MAMDC2: variants seen among roughly 807,000 people sequenced by gnomAD.
MAMDC2 encodes MAM domain-containing protein 2.
In MAMDC2, 57 loss-of-function variants were observed where a neutral mutation model predicts 89.8. The ratio of observed to expected loss-of-function variants is 0.63; its 90% CI spans 0.51 to 0.79. The LOEUF is 0.79. MAMDC2 is among the 30% of genes least tolerant of loss of function. The pLI is 0.00. For missense variants in MAMDC2, 800 were observed against 820.6 expected, an observed-to-expected ratio of 0.97 and a Z score of 0.31; for synonymous variants, 313 against 293.4, an observed-to-expected ratio of 1.07 and a Z score of -0.68.
chr9:70,063,133 T>C (rs1363934877), intron 2 of MAMDC2: 1 of 152,220 alleles, frequency 6.6e-6, no homozygotes, highest in Non-Finnish European at 1.5e-5. Flanking sequence ...CAGGCACCTG[T>C]AGTCCCGGCT....
chr9:70,190,542 G>A (rs2032856340), intron 11 of MAMDC2, among the ~76,000 whole-genome samples: 1 of 143,492 alleles, frequency 7.0e-6, no homozygotes, highest in South Asian at 2.3e-4. Context: ...AGAGGTGACA[G>A]ATTAGGAGTT....
intron 5 of MAMDC2, among the ~76,000 whole-genome samples, chr9:70,121,160 A>C (rs1239476776): frequency 6.6e-6 from 1 of 152,234 alleles, no homozygotes; most frequent in African/African-American, 2.4e-5. Context: ...CTGCTTGAAA[A>C]TAAACATTCA....
intron 2 of MAMDC2, among the ~76,000 whole-genome samples, chr9:70,062,335 G>C (rs1827167396): frequency 6.6e-6 from 1 of 151,674 alleles, no homozygotes; most frequent in African/African-American, 2.4e-5. Context: ...CCTCTACCAG[G>C]GCAATAGGAG....
chr9:70,203,269 A>T (rs1205210774), intron 11 of MAMDC2, among the ~76,000 whole-genome samples: 1 of 152,052 alleles, frequency 6.6e-6, no homozygotes, highest in East Asian at 1.9e-4. Context: ...AAAATCGGTC[A>T]GCATTTGCTT....
intron 2 of MAMDC2, among the ~76,000 whole-genome samples, chr9:70,078,251 A>T (rs938218042): frequency 6.6e-6 from 1 of 151,994 alleles, no homozygotes; most frequent in Non-Finnish European, 1.5e-5. Flanking sequence ...CAATCTGATA[A>T]CTCCCTCTTA....
intron 7 of MAMDC2, among the ~76,000 whole-genome samples, chr9:70,139,856 T>C (rs1422149359): frequency 6.6e-6 from 1 of 152,198 alleles, no homozygotes; most frequent in Admixed American, 6.5e-5. Flanking sequence ...TTGATTTGCA[T>C]TTCCATGGGA....
intron 5 of MAMDC2, among the ~76,000 whole-genome samples, chr9:70,121,625 A>G (rs2030290498): frequency 6.6e-6 from 1 of 151,928 alleles, no homozygotes. Flanking sequence ...CCTGCAGGGT[A>G]TCCAGTGATT....
chr9:70,109,359 G>C (rs1828437480), intron 3 of MAMDC2: 1 of 204,622 alleles, frequency 4.9e-6, no homozygotes, highest in Non-Finnish European at 9.7e-6. Flanking sequence ...AACCACAGGA[G>C]AAAAAGTGAT....
chr9:70,110,490 T>A (rs1262113534), intron 4 of MAMDC2, among the ~76,000 whole-genome samples: 1 of 151,970 alleles, frequency 6.6e-6, no homozygotes, highest in African/African-American at 2.4e-5. Context: ...TTTAGTTAAG[T>A]GGAGGTGCAG....
chr9:70,048,551 G>A (rs1476355882), intron 2 of MAMDC2, among the ~76,000 whole-genome samples: 4 of 152,102 alleles, frequency 2.6e-5, no homozygotes, highest in Admixed American at 6.5e-5. Flanking sequence ...CACCCGCTTC[G>A]ACCTCCCAAA....
At chr9:70,175,617 T>C (rs535081214) in intron 11 of MAMDC2, 1 of 152,308 alleles carries the variant, frequency 6.6e-6, no homozygotes, top group South Asian at 2.1e-4. Flanking sequence ...TTCAGTAGTA[T>C]CAGCAGTTTC....
intron 12 of MAMDC2, among the ~76,000 whole-genome samples, chr9:70,220,317 G>C (rs374762517): frequency 7.2e-5 from 11 of 152,150 alleles, no homozygotes; most frequent in African/African-American, 2.4e-4. Context: ...CATCTGAAAT[G>C]GCATTTAGGG....
chr9:70,070,249 C>A (rs533901640), intron 2 of MAMDC2, among the ~76,000 whole-genome samples: 63 of 152,224 alleles, frequency 4.1e-4, no homozygotes, highest in Middle Eastern at 3.4e-3. Context: ...GGTCCTGGAC[C>A]TTTTCACTCC....
At chr9:70,109,840 A>C in intron 4 of MAMDC2, 36 bp downstream of exon 4, 1 of 1,552,524 alleles carries the variant, frequency 6.4e-7, no homozygotes, top group Non-Finnish European at 8.9e-7. Flanking sequence ...TCAAATTGTG[A>C]ATCTTTTTCT....
intron 2 of MAMDC2, among the ~76,000 whole-genome samples, chr9:70,097,075 T>C (rs765984703): frequency 6.6e-6 from 1 of 152,172 alleles, no homozygotes; most frequent in Non-Finnish European, 1.5e-5. Context: ...ACCAGGCAGA[T>C]ATTGCTAATC....
At chr9:70,168,674 T>C (rs2032239835) in intron 9 of MAMDC2, 28 bp from the exon 10 acceptor site, 1 of 1,589,518 alleles carries the variant, frequency 6.3e-7, no homozygotes, top group Non-Finnish European at 8.6e-7. Context: ...GTTAACAGAA[T>C]TCATAGCTTT....
intron 11 of MAMDC2, chr9:70,188,638 C>T (rs976330189): frequency 6.6e-6 from 1 of 152,008 alleles, no homozygotes; most frequent in East Asian, 1.9e-4. Context: ...TATCCCATCT[C>T]CCTGCTCCAA....
intron 11 of MAMDC2, among the ~76,000 whole-genome samples, chr9:70,189,114 A>C (rs1356907361): frequency 6.6e-6 from 1 of 152,096 alleles, no homozygotes; most frequent in African/African-American, 2.4e-5. Flanking sequence ...AAATATACTT[A>C]TTCTGTTCTT....
At chr9:70,219,494 T>A (rs533293135) in intron 12 of MAMDC2, among the ~76,000 whole-genome samples, 1 of 152,358 alleles carries the variant, frequency 6.6e-6, no homozygotes, top group South Asian at 2.1e-4. Context: ...AACCCAGATC[T>A]TCCTGGGAAG....
Sources: gnomAD v4.1 joint callset for allele counts (sites outside exome capture counted in the v4.1 genomes callset) on GRCh38, gnomAD v4.1.1 for gene constraint, MANE v1.5 for transcripts, NCBI Gene and HGNC (gene_info 2026-07-23, HGNC 2026-07-21) for gene names.